The following PRRC2C variants were observed in gnomAD, a reference collection of about 807,000 sequenced individuals.
PRRC2C encodes protein PRRC2C.
A neutral mutation model predicts 317.2 loss-of-function variants in PRRC2C; 72 were observed. The ratio of observed to expected loss-of-function variants is 0.23; its 90% CI spans 0.19 to 0.28. The LOEUF is 0.28. Among genes scored for constraint, PRRC2C ranks in the 10% least tolerant of loss-of-function variants. The pLI, the probability that PRRC2C is intolerant of heterozygous loss-of-function variation, is 1.00. For missense variants in PRRC2C, 3,074 were observed against 3,459.7 expected (o/e 0.89, Z 2.80); for synonymous variants, 1,296 against 1,205.9 (o/e 1.07, Z -1.55).
At chr1:171,582,058 C>T (rs895220276) in intron 28 of PRRC2C, among the ~76,000 whole-genome samples, 1 of 152,114 alleles carries the variant, frequency 6.6e-6, no homozygotes, top group Admixed American at 6.5e-5. Context: ...TCATGGGTAA[C>T]TCTGACATGA....
intron 30 of PRRC2C, among the ~76,000 whole-genome samples, chr1:171,585,448 G>T (rs1033588267): frequency 1.9e-5 from 1 of 53,312 alleles, no homozygotes; most frequent in Non-Finnish European, 4.5e-5. Flanking sequence ...GGCTGGTGGG[G>T]GAACAAAGTC....
Position 171,584,422 on chromosome 1 carries a change from A to G in PRRC2C, c.7645A>G (p.Arg2549Gly), listed in dbSNP as rs755637474. ...QLIDTHLLQA[R>G]ANLTQASNLY... is the part of the protein sequence containing the mutation. Reference sequence around the variant, plus strand: ...TTTCTTAAAAAATTTTTTCTAGGCCAGAGCAAATCTTACCCAGGCCTCAAA... The same window carrying G: ...TTTCTTAAAAAATTTTTTCTAGGCCGGAGCAAATCTTACCCAGGCCTCAAA... Residue 2549 changes from arginine (R) to glycine (G), a missense_variant, in exon 30 of 35, where the codon AGA becomes GGA. This residue lies in a region of PRRC2C where 490 missense variants were observed against 663.1 expected (regional missense o/e 0.74). Coordinates refer to ENST00000647382, the MANE Select transcript of PRRC2C (RefSeq NM_001387844.1). 6.4e-7 allele frequency: 1 copy of G among 1,560,716 alleles called. No individual in the cohort carries two copies. The highest frequency in any genetic ancestry group is 2.3e-5 in the East Asian group (1 of 43,020).
chr1:171,574,433 A>G (rs1685347287), intron 24 of PRRC2C, among the ~76,000 whole-genome samples: 1 of 152,226 alleles, frequency 6.6e-6, no homozygotes, highest in African/African-American at 2.4e-5. Flanking sequence ...ACCAGGGGTC[A>G]TAAATGCAAA....
chr1:171,534,366 A>T (rs527957070), intron 12 of PRRC2C, among the ~76,000 whole-genome samples: 43 of 152,334 alleles, frequency 2.8e-4, no homozygotes, highest in Non-Finnish European at 5.6e-4. Context: ...TCATAGTTTA[A>T]TAAGTTTTAT....
intron 3 of PRRC2C, 36 bp downstream of exon 3, chr1:171,513,208 C>T (rs190437941): frequency 4.5e-6 from 7 of 1,567,768 alleles, no homozygotes; most frequent in East Asian, 4.6e-5. Flanking sequence ...AAGCCCTTCC[C>T]CTTTCTTTGT....
At chr1:171,569,641 A>G (rs1448885913) in intron 23 of PRRC2C, among the ~76,000 whole-genome samples, 2 of 129,738 alleles carry the variant, frequency 1.5e-5, no homozygotes, top group African/African-American at 5.6e-5. Flanking sequence ...GTGAAAAATA[A>G]TGGAAGACTT....
chr1:171,559,247 G>A (rs899451688), intron 19 of PRRC2C, among the ~76,000 whole-genome samples: 2 of 152,214 alleles, frequency 1.3e-5, no homozygotes, highest in African/African-American at 4.8e-5. Context: ...CGTAGATGAA[G>A]CAGCCTTCTG....
In PRRC2C at chr1:171,514,262, A is replaced by G. The variant is rs113313156; in HGVS notation, c.291-274A>G. Among the ~76,000 whole-genome samples the G allele has an allele frequency of 6.4e-3, 945 of 148,764 alleles. 4 individuals are homozygous for G. Among genetic ancestry groups the G allele is most frequent in the Non-Finnish European group, 9.4e-3 (632 of 66,896 alleles). On this transcript the variant is annotated intron_variant, in intron 3 of 34. Coordinates refer to ENST00000647382, the MANE Select transcript of PRRC2C (RefSeq NM_001387844.1). Reference sequence around the variant, plus strand: ...TGTGTTTAATTAAAAGTGTGTGTGTATGTGTGTGTGTGTGTGTGTGTGTGT... The same window carrying G: ...TGTGTTTAATTAAAAGTGTGTGTGTGTGTGTGTGTGTGTGTGTGTGTGTGT...
Position 171,557,785 on chromosome 1 carries a change from A to G in PRRC2C, c.5673A>G (p.Thr1891=). 3.9e-6 allele frequency: 6 copies of G among 1,549,854 alleles called. No individual in the cohort carries two copies. Among genetic ancestry groups the G allele is most frequent in the Non-Finnish European group, 4.4e-6 (5 of 1,146,292 alleles). Residue 1891 remains threonine, a synonymous_variant, in exon 19 of 35, where the codon ACA becomes ACG. Transcript: ENST00000647382. ...AASSPAAPVI[T]APTIPASAPT... ...CTTCCCCAGCTGCCCCAGTCATCACAGCACCAACTATCCCAGCCTCAGCCC... is the reference window on the plus strand; with the variant it reads ...CTTCCCCAGCTGCCCCAGTCATCACGGCACCAACTATCCCAGCCTCAGCCC...
intron 27 of PRRC2C, 99 bp from the exon 28 acceptor site, chr1:171,579,729 T>C (rs235489): frequency 0.83 from 1,138,676 of 1,378,172 alleles, 471,000 homozygotes; most frequent in East Asian, 0.9. Flanking sequence ...TAGTATTAAT[T>C]TTACTCTTTT....
intron 1 of PRRC2C, among the ~76,000 whole-genome samples, chr1:171,499,381 C>G (rs1668678059): frequency 6.6e-6 from 1 of 152,198 alleles, no homozygotes. Context: ...ATCATTAAAA[C>G]TGTGTATCTA....
Position 171,511,881 on chromosome 1 carries a change from T to C in PRRC2C, c.-57-151T>C, listed in dbSNP as rs569085212. 7.2e-5 allele frequency: 30 copies of C among 419,112 alleles called. No individual in the cohort carries two copies. In the South Asian group the frequency reaches 8.3e-4, roughly 12 times the overall value. 26.0% of individuals were successfully genotyped at this position (419,112 alleles called of 1,614,324 possible). On this transcript the variant is annotated intron_variant, in intron 1 of 34. Transcript: ENST00000647382. ...ACAAGTGCATGATAGCTTATTGTGATCAATTTTGTTGTGTATTGGTTATTG... is the reference window on the plus strand; with the variant it reads ...ACAAGTGCATGATAGCTTATTGTGACCAATTTTGTTGTGTATTGGTTATTG...
chr1:171,546,279 G>T (rs760505682), intron 17 of PRRC2C, among the ~76,000 whole-genome samples: 1 of 152,200 alleles, frequency 6.6e-6, no homozygotes, highest in African/African-American at 2.4e-5. Context: ...CATTGTACAT[G>T]TAAAATGTAC....
chr1:171,509,313 A>C (rs1471412294), intron 1 of PRRC2C, among the ~76,000 whole-genome samples: 2 of 152,242 alleles, frequency 1.3e-5, no homozygotes, highest in African/African-American at 4.8e-5. Context: ...TTCAAAACAA[A>C]GAAATGTAAA....
intron 1 of PRRC2C, among the ~76,000 whole-genome samples, chr1:171,489,176 G>A (rs774581646): frequency 1.3e-5 from 2 of 152,150 alleles, no homozygotes; most frequent in Non-Finnish European, 2.9e-5. Flanking sequence ...TAACTGATAA[G>A]TATATTATTG....
In PRRC2C at chr1:171,540,194, C is replaced by G; in HGVS notation, c.2728C>G (p.Gln910Glu). The change falls in exon 16 of 35, where the codon CAA (glutamine) becomes GAA (glutamate). Residue 910 changes from glutamine (Q) to glutamate (E), a missense_variant. Coordinates refer to ENST00000647382, the MANE Select transcript of PRRC2C (RefSeq NM_001387844.1). Reference protein sequence around the residue: ...APDQKTLSAPQEERISAVESQ... With the variant: ...APDQKTLSAPEEERISAVESQ... ...TGATCAAAAGACCTTATCCGCTCCT[C>G]AAGAGGAGCGGATTTCAGCTGTAGA... is the stretch of plus-strand genomic sequence containing the variant. 6.2e-7 allele frequency: 1 copy of G among 1,613,886 alleles called. No homozygotes were observed. The highest frequency in any genetic ancestry group is 2.2e-5 in the East Asian group (1 of 44,866).
chr1:171,485,883 C>G (rs1288666364), intron 1 of PRRC2C, 148 bp downstream of exon 1: 1 of 152,258 alleles, frequency 6.6e-6, no homozygotes, highest in Non-Finnish European at 1.5e-5. Flanking sequence ...CCGGGCATTT[C>G]CCTTCTGTTT....
chr1:171,550,918 C>T (rs930084586), intron 18 of PRRC2C, among the ~76,000 whole-genome samples: 1 of 152,120 alleles, frequency 6.6e-6, no homozygotes, highest in African/African-American at 2.4e-5. Context: ...AATAGTGCCA[C>T]GATAAATATA....
chr1:171,585,734 ATTCTCT>A (rs1311287369), intron 30 of PRRC2C, among the ~76,000 whole-genome samples: 1 of 152,166 alleles, frequency 6.6e-6, no homozygotes. Context: ...TTCAGTTTCT[ATTCTCT>A]TCACTACAAG....
Sources: allele counts gnomAD v4.1 joint callset (sites outside exome capture counted in the v4.1 genomes callset), GRCh38; gene constraint gnomAD v4.1.1; regional missense constraint gnomAD v4.1.1; transcripts MANE v1.5; gene names NCBI Gene and HGNC (gene_info 2026-07-23, HGNC 2026-07-21).